Variants in GRIK3 observed in about 807,000 individuals in gnomAD.
The protein encoded by GRIK3 is glutamate receptor ionotropic, kainate 3.
Under a neutral mutation model 102.5 loss-of-function variants are expected in GRIK3, and 29 were observed. The observed-to-expected ratio is 0.28, with a 90% CI of 0.21 to 0.39. The LOEUF is 0.39. Among genes scored for constraint, GRIK3 ranks in the 10% least tolerant of loss-of-function variants. The pLI is 1.00. For synonymous variants in GRIK3, 511 were observed against 504.9 expected (o/e 1.01, Z -0.16); for missense variants, 908 against 1,252.4 (o/e 0.73, Z 4.15).
intron 1 of GRIK3, among the ~76,000 whole-genome samples, chr1:36,932,316 A>G (rs984677403): frequency 3.3e-5 from 5 of 152,116 alleles, no homozygotes; most frequent in Admixed American, 1.3e-4. Flanking sequence ...TTAGTGCCCA[A>G]TCGTAGAAAC....
intron 1 of GRIK3, among the ~76,000 whole-genome samples, chr1:36,931,591 C>T (rs1355406038): frequency 6.6e-6 from 1 of 152,164 alleles, no homozygotes; most frequent in Non-Finnish European, 1.5e-5. Flanking sequence ...TATTGAGCGC[C>T]CAGCACAATG....
chr1:36,943,558 C>CT (rs1641750209), intron 1 of GRIK3, among the ~76,000 whole-genome samples: 1 of 152,180 alleles, frequency 6.6e-6, no homozygotes, highest in Non-Finnish European at 1.5e-5. Flanking sequence ...AATATTGTGC[C>CT]TGAGGCATCT....
chr1:36,812,076 G>A (rs918898893), intron 13 of GRIK3, among the ~76,000 whole-genome samples: 4 of 152,088 alleles, frequency 2.6e-5, no homozygotes, highest in African/African-American at 9.7e-5. Context: ...GGCTAAGACT[G>A]TATGTGAGAG....
chr1:36,959,671 GTCTGTGTGCCCTGTGAC>G (rs1443248252), intron 1 of GRIK3, among the ~76,000 whole-genome samples: 3 of 134,724 alleles, frequency 2.2e-5, no homozygotes, highest in African/African-American at 7.8e-5. Flanking sequence ...TGCCCTGTGA[GTCTGTGTGCCCTGTGAC>G]TCTGTGCCCC....
chr1:36,908,619 A>C (rs1641311407), intron 1 of GRIK3, among the ~76,000 whole-genome samples: 1 of 152,246 alleles, frequency 6.6e-6, no homozygotes, highest in Non-Finnish European at 1.5e-5. Flanking sequence ...GAGGCTAATA[A>C]GTAGGTTGGC....
In GRIK3 at chr1:36,932,401, C is replaced by T. The variant is rs186362644; in HGVS notation, c.116-41305G>A. Among the ~76,000 whole-genome samples, 284 of 152,276 alleles carry T rather than the reference C, an allele frequency of 1.9e-3. 1 individual carries two copies. Among genetic ancestry groups the T allele is most frequent in the African/African-American group, 5.1e-3 (213 of 41,548 alleles). On this transcript the variant is annotated intron_variant, in intron 1 of 15. Coordinates refer to ENST00000373091, the MANE Select transcript of GRIK3 (RefSeq NM_000831.4). ...CCGTGGGACTTGGATGTGCCACAGT[C>T]CCCTCTTGTACCAGAGTAGGAGGTG...
At chr1:36,909,080 G>A (rs890770200) in intron 1 of GRIK3, among the ~76,000 whole-genome samples, 8 of 152,064 alleles carry the variant, frequency 5.3e-5, no homozygotes, top group Non-Finnish European at 8.8e-5. Flanking sequence ...GGAAGTCCAG[G>A]GAAGTCAAGG....
chr1:36,906,338 A>AGACTCAGTTTCTCCAC (rs1348975825), intron 1 of GRIK3, among the ~76,000 whole-genome samples: 29 of 147,070 alleles, frequency 2.0e-4, no homozygotes, highest in Non-Finnish European at 3.8e-4. Flanking sequence ...AGTTTCTCCG[A>AGACTCAGTTTCTCCAC]GACTCAGTTT....
At chr1:36,954,924 T>C (rs971651042) in intron 1 of GRIK3, among the ~76,000 whole-genome samples, 4 of 152,238 alleles carry the variant, frequency 2.6e-5, no homozygotes, top group Non-Finnish European at 5.9e-5. Context: ...CACATGCACG[T>C]TCACACACAC....
chr1:36,989,647 C>T (rs1642344078), intron 1 of GRIK3, among the ~76,000 whole-genome samples: 1 of 152,268 alleles, frequency 6.6e-6, no homozygotes, highest in Admixed American at 6.5e-5. Flanking sequence ...AGTCTGGGCC[C>T]CCACTGCTTC....
At chr1:36,910,445 A>T (rs1221062154) in intron 1 of GRIK3, among the ~76,000 whole-genome samples, 2 of 152,228 alleles carry the variant, frequency 1.3e-5, no homozygotes, top group Admixed American at 1.3e-4. Flanking sequence ...AGCTCAGTGC[A>T]GCTGTGGGCT....
chr1:36,968,559 G>A (rs1642104576), intron 1 of GRIK3, among the ~76,000 whole-genome samples: 1 of 152,120 alleles, frequency 6.6e-6, no homozygotes, highest in Non-Finnish European at 1.5e-5. Context: ...CCCTTTCAAG[G>A]GCCCCTTGCT....
At chr1:37,019,396 C>A (rs940735768) in intron 1 of GRIK3, among the ~76,000 whole-genome samples, 4 of 152,178 alleles carry the variant, frequency 2.6e-5, no homozygotes, top group African/African-American at 7.2e-5. Flanking sequence ...CTCGACTGTG[C>A]GACTTTCAGT....
intron 10 of GRIK3, among the ~76,000 whole-genome samples, chr1:36,836,558 C>G (rs374068956): frequency 6.6e-6 from 1 of 152,158 alleles, no homozygotes; most frequent in Admixed American, 6.5e-5. Flanking sequence ...GGAAGCAGAG[C>G]GGATGTGTGG....
At chr1:36,910,699 G>A (rs1461420334) in intron 1 of GRIK3, among the ~76,000 whole-genome samples, 1 of 152,254 alleles carries the variant, frequency 6.6e-6, no homozygotes, top group African/African-American at 2.4e-5. Flanking sequence ...AGGAAAGGGA[G>A]ACGAGGGATG....
chr1:36,923,503 C>A (rs1641495617), intron 1 of GRIK3, among the ~76,000 whole-genome samples: 2 of 151,894 alleles, frequency 1.3e-5, no homozygotes, highest in Non-Finnish European at 2.9e-5. Flanking sequence ...AGCAGCAGGC[C>A]ACAAATGGGG....
intron 13 of GRIK3, among the ~76,000 whole-genome samples, chr1:36,815,301 T>C (rs767190294): frequency 1.3e-5 from 2 of 151,804 alleles, no homozygotes; most frequent in Non-Finnish European, 2.9e-5. Context: ...AGGAGGGACA[T>C]GGTGGGGGCT....
Position 36,798,218 on chromosome 1 carries a change from T to A in GRIK3, c.*3633A>T, listed in dbSNP as rs1310517768. On this transcript the variant is annotated 3_prime_UTR_variant, in exon 16 of 16. Coordinates refer to ENST00000373091, the MANE Select transcript of GRIK3 (RefSeq NM_000831.4). ...GCTCACTGTCCTTAGTCCCAGGGCC[T>A]CGGCAGGGGCGGTGGGGTTGGTGTC... 4 of 152,248 alleles carry A rather than the reference T, an allele frequency of 2.6e-5. No homozygotes were observed. The highest frequency in any genetic ancestry group is 5.9e-5 in the Non-Finnish European group (4 of 68,094). 9.4% of individuals were successfully genotyped at this position (152,248 alleles called of 1,614,324 possible).
At chr1:36,890,028 G>T (rs1641084331) in intron 2 of GRIK3, among the ~76,000 whole-genome samples, 1 of 152,160 alleles carries the variant, frequency 6.6e-6, no homozygotes, top group South Asian at 2.1e-4. Flanking sequence ...AGGGCATGCT[G>T]GGAAAAGAGT....
Sources: allele counts gnomAD v4.1 joint callset (sites outside exome capture counted in the v4.1 genomes callset), GRCh38; gene constraint gnomAD v4.1.1; transcripts MANE v1.5; gene names NCBI Gene and HGNC (gene_info 2026-07-23, HGNC 2026-07-21).